CSMD2: variants seen among roughly 807,000 people sequenced by gnomAD.
CSMD2 encodes the protein CUB and Sushi multiple domains 2, also known as CUB and sushi domain-containing protein 2.
In CSMD2, 130 loss-of-function variants were observed where a neutral mutation model predicts 398.5. The observed-to-expected ratio is 0.33, with a 90% CI of 0.28 to 0.38. The LOEUF (loss-of-function observed/expected upper bound fraction) is 0.38, where lower values mean the gene tolerates loss of function less well. Among genes scored for constraint, CSMD2 ranks in the 10% least tolerant of loss-of-function variants. The pLI is 1.00. For synonymous variants in CSMD2, 1,828 were observed against 1,908.5 expected, an observed-to-expected ratio of 0.96 and a Z score of 1.10; for missense variants, 3,829 against 4,764.9, an observed-to-expected ratio of 0.80 and a Z score of 5.78.
At chr1:33,970,334 C>T (rs522445) in intron 3 of CSMD2, among the ~76,000 whole-genome samples, 4,326 of 152,104 alleles carry the variant, frequency 0.028, 193 homozygotes, top group African/African-American at 0.097. Flanking sequence ...GACTCAATCC[C>T]CTCCCTCTTT....
chr1:33,886,881 G>A (rs1192247811), intron 5 of CSMD2, among the ~76,000 whole-genome samples: 1 of 152,152 alleles, frequency 6.6e-6, no homozygotes, highest in Admixed American at 6.5e-5. Context: ...ACTTTGTGCT[G>A]AGTGCCATCA....
intron 56 of CSMD2, among the ~76,000 whole-genome samples, chr1:33,549,820 C>T (rs1443462565): frequency 6.6e-6 from 1 of 152,160 alleles, no homozygotes; most frequent in Non-Finnish European, 1.5e-5. Flanking sequence ...CAGGAGTGGG[C>T]TTGGACCTGA....
chr1:34,132,645 A>G (rs1158334653), intron 1 of CSMD2, among the ~76,000 whole-genome samples: 1 of 152,226 alleles, frequency 6.6e-6, no homozygotes, highest in Non-Finnish European at 1.5e-5. Flanking sequence ...GGTGGGCCTC[A>G]TCCAATTCAT....
rs745980468 is a variant in CSMD2 at position 33,864,758 on chromosome 1, C to T, written c.921-17762G>A. 2.5e-6 allele frequency: 4 copies of T among 1,588,922 alleles called. No individual in the cohort carries two copies. In the Admixed American group the frequency reaches 7.2e-5, roughly 29 times the overall value. The stretch of plus-strand genomic sequence containing the variant: ...AAAGAGTCAGGCAGAGCTGATGGAT[C>T]CAGTTTGAAAAAACAAAATGCCATT... On this transcript the variant is annotated intron_variant, in intron 5 of 70. Coordinates refer to ENST00000373381, the MANE Select transcript of CSMD2 (RefSeq NM_001281956.2).
intron 15 of CSMD2, among the ~76,000 whole-genome samples, chr1:33,733,544 T>C (rs902710531): frequency 6.6e-6 from 1 of 152,224 alleles, no homozygotes; most frequent in Admixed American, 6.5e-5. Flanking sequence ...GGTTGGGCTC[T>C]GTGTCCCCAC....
intron 3 of CSMD2, among the ~76,000 whole-genome samples, chr1:34,000,849 C>T (rs915959752): frequency 1.3e-5 from 2 of 151,468 alleles, no homozygotes; most frequent in Admixed American, 6.6e-5. Context: ...GTAAGATAAG[C>T]GAAAACCATG....
chr1:33,709,183 T>C lies in CSMD2; in HGVS notation c.3482A>G (p.Asn1161Ser). 3.1e-6 allele frequency: 5 copies of C among 1,614,128 alleles called. No homozygotes were observed. The highest frequency in any genetic ancestry group is 4.2e-6 in the Non-Finnish European group (5 of 1,179,944). ...CTGGATGGAGTAGATGCATTCATGATTGTTATTGTAGTTCACAGGAAAGTT... is the reference window on the plus strand; with the variant it reads ...CTGGATGGAGTAGATGCATTCATGACTGTTATTGTAGTTCACAGGAAAGTT... ...SPNFPVNYNN[N>S]HECIYSIQTQ... is the part of the protein sequence containing the mutation. The change falls in exon 22 of 71, where the codon AAT becomes AGT. Residue 1161 changes from asparagine to serine, a missense_variant. Physicochemically the swap from Asn to Ser is conservative, Grantham distance 46 (BLOSUM62 1). Around this residue, in one of 5 missense-constraint regions of CSMD2, gnomAD observed 2,001 missense variants for 2,567.1 expected, o/e 0.78. Transcript: ENST00000373381.
rs1372976072 is a variant in CSMD2 at position 34,037,116 on chromosome 1, A to AT, written c.405-4411dup. Among the ~76,000 whole-genome samples the AT allele has an allele frequency of 6.9e-3, 861 of 125,012 alleles. 9 individuals are homozygous for AT. The highest frequency in any genetic ancestry group is 0.03 in the Middle Eastern group (7 of 236). 82.0% of individuals were successfully genotyped at this position (125,012 alleles called of 152,430 possible). On this transcript the variant is annotated intron_variant, in intron 2 of 70. Coordinates refer to ENST00000373381, the MANE Select transcript of CSMD2 (RefSeq NM_001281956.2). ...GTAAAACACCCTCTACCAATAAAAA[A>AT]TTAAATTTAATAAGTTTTAAAAAAT...
At chr1:33,625,527 T>G (rs72662036) in intron 33 of CSMD2, among the ~76,000 whole-genome samples, 1 of 152,130 alleles carries the variant, frequency 6.6e-6, no homozygotes, top group Non-Finnish European at 1.5e-5. Flanking sequence ...TGTTCTTTGC[T>G]TTCCCAACGA....
intron 44 of CSMD2, among the ~76,000 whole-genome samples, chr1:33,597,720 A>T (rs978145123): frequency 2.6e-5 from 4 of 152,244 alleles, no homozygotes. Context: ...AAATATGTGG[A>T]TATTTACAAC....
chr1:33,667,823 C>A (rs1467665536), intron 25 of CSMD2, among the ~76,000 whole-genome samples: 2 of 152,174 alleles, frequency 1.3e-5, no homozygotes, highest in African/African-American at 4.8e-5. Context: ...GGCTAAAGTT[C>A]AAGCCCCTTT....
At chr1:33,776,307 G>A (rs1273048727) in intron 12 of CSMD2, among the ~76,000 whole-genome samples, 1 of 152,210 alleles carries the variant, frequency 6.6e-6, no homozygotes, top group Non-Finnish European at 1.5e-5. Flanking sequence ...CTTAGAGACC[G>A]TGAGGGATGT....
chr1:33,647,402 AC>A (rs1348519956), intron 28 of CSMD2, among the ~76,000 whole-genome samples: 1 of 152,152 alleles, frequency 6.6e-6, no homozygotes, highest in Non-Finnish European at 1.5e-5. Flanking sequence ...AGCTATTCTG[AC>A]CCTGGTATGA....
At chr1:33,876,815 C>A (rs1640872140) in intron 5 of CSMD2, among the ~76,000 whole-genome samples, 2 of 152,178 alleles carry the variant, frequency 1.3e-5, no homozygotes, top group South Asian at 4.1e-4. Flanking sequence ...CTGGAACTCT[C>A]AAGGCCCCAG....
intron 47 of CSMD2, among the ~76,000 whole-genome samples, chr1:33,581,908 C>A (rs2148731518): frequency 6.6e-6 from 1 of 152,166 alleles, no homozygotes; most frequent in African/African-American, 2.4e-5. Flanking sequence ...AAAGTAGAGT[C>A]ACCAGAACTG....
intron 49 of CSMD2, among the ~76,000 whole-genome samples, chr1:33,576,399 G>A (rs550459343): frequency 5.3e-5 from 8 of 152,082 alleles, no homozygotes; most frequent in East Asian, 1.9e-4. Context: ...GAGACCAGCC[G>A]GACCAATATG....
intron 2 of CSMD2, among the ~76,000 whole-genome samples, chr1:34,039,835 G>A (rs986688209): frequency 1.3e-5 from 2 of 152,174 alleles, no homozygotes; most frequent in Non-Finnish European, 2.9e-5. Context: ...CAGGGGGATA[G>A]TAGATAAACA....
chr1:34,133,247 T>C (rs919377154), intron 1 of CSMD2, among the ~76,000 whole-genome samples: 1 of 152,220 alleles, frequency 6.6e-6, no homozygotes, highest in Non-Finnish European at 1.5e-5. Flanking sequence ...GTGAATGATA[T>C]CATCCCAGTA....
At chr1:33,664,049 C>T (rs1020852667) in intron 25 of CSMD2, among the ~76,000 whole-genome samples, 6 of 152,028 alleles carry the variant, frequency 3.9e-5, no homozygotes, top group Non-Finnish European at 8.8e-5. Flanking sequence ...TTTTGTGTTC[C>T]AGGATCCAAT....
Sources: allele counts gnomAD v4.1 joint callset (sites outside exome capture counted in the v4.1 genomes callset), GRCh38; gene constraint gnomAD v4.1.1; regional missense constraint gnomAD v4.1.1; transcripts MANE v1.5; gene names NCBI Gene and HGNC (gene_info 2026-07-23, HGNC 2026-07-21).